Variants in KCTD16 observed in about 807,000 individuals in gnomAD.
The protein encoded by KCTD16 is potassium channel tetramerization domain containing 16.
A neutral mutation model predicts 33.2 loss-of-function variants in KCTD16; 13 were observed. The ratio of observed to expected loss-of-function variants is 0.39; its 90% CI spans 0.25 to 0.62. The LOEUF (loss-of-function observed/expected upper bound fraction) is 0.62, where lower values mean the gene tolerates loss of function less well. KCTD16 is among the 20% of genes least tolerant of loss of function. The pLI is 0.50. For synonymous variants in KCTD16, 197 were observed against 195.3 expected, an observed-to-expected ratio of 1.01 and a Z score of -0.07; for missense variants, 441 against 525.1, an observed-to-expected ratio of 0.84 and a Z score of 1.57.
chr5:144,274,311 G>A (rs1755384840), intron 3 of KCTD16, among the ~76,000 whole-genome samples: 1 of 151,990 alleles, frequency 6.6e-6, no homozygotes, highest in South Asian at 2.1e-4. Context: ...TAAGTGTGTA[G>A]GAATAAAGGT....
chr5:144,202,746 C>T (rs1167043738), intron 2 of KCTD16, among the ~76,000 whole-genome samples: 1 of 152,138 alleles, frequency 6.6e-6, no homozygotes, highest in Non-Finnish European at 1.5e-5. Context: ...TATAATTGTG[C>T]AAAACAGGAT....
intron 2 of KCTD16, among the ~76,000 whole-genome samples, chr5:144,181,791 A>G (rs1024468861): frequency 6.6e-6 from 1 of 152,106 alleles, no homozygotes; most frequent in Non-Finnish European, 1.5e-5. Context: ...TTAAGAGGTG[A>G]GGCCTTTAAG....
chr5:144,444,968 A>G (rs1381785624), intron 3 of KCTD16, among the ~76,000 whole-genome samples: 2 of 149,714 alleles, frequency 1.3e-5, no homozygotes, highest in Non-Finnish European at 3.0e-5. Flanking sequence ...ATAGTGTTAT[A>G]TTACATATAT....
rs138864208 is a variant in KCTD16 at position 144,442,450 on chromosome 5, CTTCT to C, written c.833-31185_833-31182del. On this transcript the variant is annotated intron_variant, in intron 3 of 3. Transcript: ENST00000512467. ...TTTTCTTTTCTTTTCTCTTTTCTTT[CTTCT>C]TTCTTTCTTTCTTTCTTTCTTTCTG... 3.8e-3 allele frequency among the ~76,000 whole-genome samples: 569 copies of C among 147,866 alleles called. 2 individuals carry two copies. The highest frequency in any genetic ancestry group is 5.8e-3 in the East Asian group (29 of 5,026).
At chr5:144,205,190 G>A in intron 2 of KCTD16, 1 of 221,238 alleles carries the variant, frequency 4.5e-6, no homozygotes, top group Non-Finnish European at 8.8e-6. Context: ...GCGCAGCACT[G>A]CGTCCCCGCC....
chr5:144,219,524 T>G (rs935885811), intron 3 of KCTD16, among the ~76,000 whole-genome samples: 1 of 141,276 alleles, frequency 7.1e-6, no homozygotes, highest in Non-Finnish European at 1.5e-5. Context: ...TTTTTTTTTT[T>G]TTTTTTTTTT....
In KCTD16 at chr5:144,484,957, T is replaced by A. The variant is rs1754773992; in HGVS notation, c.*10843T>A. 6.6e-6 allele frequency: 1 copy of A among 151,962 alleles called. No homozygotes were observed. Among genetic ancestry groups the A allele is most frequent in the Non-Finnish European group, 1.5e-5 (1 of 67,926 alleles). The allele number at this position is 151,962 out of a possible 1,614,324, so 9.4% of individuals were successfully genotyped here. A position where few individuals can be genotyped will look rare whatever the true frequency, so the allele number is the denominator to read the frequency against. ...TGACTGGTGTTAAAATGAATGTGCT[T>A]ATTACAGTATAAACATCATTAATTA... is the stretch of plus-strand genomic sequence containing the variant. On this transcript the variant is annotated 3_prime_UTR_variant, in exon 4 of 4. Coordinates refer to ENST00000512467, the MANE Select transcript of KCTD16 (RefSeq NM_020768.4).
chr5:144,366,349 T>C (rs1358584479), intron 3 of KCTD16, among the ~76,000 whole-genome samples: 1 of 152,212 alleles, frequency 6.6e-6, no homozygotes, highest in African/African-American at 2.4e-5. Context: ...GGATATTAAA[T>C]AGCCAACCAC....
chr5:144,219,074 T>A (rs1753652519), intron 3 of KCTD16, among the ~76,000 whole-genome samples: 1 of 152,164 alleles, frequency 6.6e-6, no homozygotes, highest in Non-Finnish European at 1.5e-5. Flanking sequence ...ACACATCAGA[T>A]CACCTCCCTC....
chr5:144,396,083 G>A (rs557572771), intron 3 of KCTD16, among the ~76,000 whole-genome samples: 1 of 152,082 alleles, frequency 6.6e-6, no homozygotes, highest in South Asian at 2.1e-4. Flanking sequence ...GATTTTGGGG[G>A]TGGATGACAT....
At chr5:144,278,949 T>A (rs1755527475) in intron 3 of KCTD16, among the ~76,000 whole-genome samples, 1 of 152,236 alleles carries the variant, frequency 6.6e-6, no homozygotes, top group Non-Finnish European at 1.5e-5. Flanking sequence ...TTCCAATTAA[T>A]GAGATATCCC....
chr5:144,249,903 CTG>C (rs1198407086), intron 3 of KCTD16, among the ~76,000 whole-genome samples: 1 of 152,170 alleles, frequency 6.6e-6, no homozygotes, highest in Non-Finnish European at 1.5e-5. Flanking sequence ...GGCACTGATA[CTG>C]TCAGAAGGAG....
At chr5:144,284,929 A>G (rs750780811) in intron 3 of KCTD16, among the ~76,000 whole-genome samples, 13 of 152,192 alleles carry the variant, frequency 8.5e-5, no homozygotes, top group Non-Finnish European at 1.6e-4. Flanking sequence ...CAGAATCCCT[A>G]AGTGACCACC....
chr5:144,465,075 C>T (rs1225449074), intron 3 of KCTD16, among the ~76,000 whole-genome samples: 1 of 152,038 alleles, frequency 6.6e-6, no homozygotes, highest in African/African-American at 2.4e-5. Context: ...TTTTACCTCC[C>T]TTTGCTGATT....
intron 2 of KCTD16, among the ~76,000 whole-genome samples, chr5:144,197,425 A>G (rs1252762531): frequency 6.6e-6 from 1 of 152,210 alleles, no homozygotes; most frequent in African/African-American, 2.4e-5. Context: ...ACACTCTTAG[A>G]TCACATGCTT....
At chr5:144,299,716 A>G (rs1333865702) in intron 3 of KCTD16, among the ~76,000 whole-genome samples, 1 of 152,080 alleles carries the variant, frequency 6.6e-6, no homozygotes, top group Non-Finnish European at 1.5e-5. Flanking sequence ...AAAGCAACAC[A>G]GTTGGTACTA....
intron 3 of KCTD16, among the ~76,000 whole-genome samples, chr5:144,454,918 T>A (rs1188035657): frequency 6.6e-6 from 1 of 152,188 alleles, no homozygotes; most frequent in Non-Finnish European, 1.5e-5. Context: ...TTGAGGTTGG[T>A]ATCTACATGT....
At chr5:144,466,924 T>G (rs1450106495) in intron 3 of KCTD16, among the ~76,000 whole-genome samples, 1 of 144,782 alleles carries the variant, frequency 6.9e-6, no homozygotes, top group Non-Finnish European at 1.5e-5. Flanking sequence ...TCAGCAAGTT[T>G]CTGGTTTGGA....
rs997570316 is a variant in KCTD16, at chr5:144,283,028, G to T, written c.832+75482G>T. Among the ~76,000 whole-genome samples the T allele has an allele frequency of 2.0e-5, 3 of 152,246 alleles. No homozygotes were observed. In the East Asian group the frequency reaches 5.8e-4, roughly 29 times the overall value. On this transcript the variant is annotated intron_variant, in intron 3 of 3. Coordinates refer to ENST00000512467, the MANE Select transcript of KCTD16 (RefSeq NM_020768.4). ...TCCTGGTACCCTGGCCACTGAAAGAGGGGGAATTGGATTTCTCTTTTTTTC... is the reference window on the plus strand; with the variant it reads ...TCCTGGTACCCTGGCCACTGAAAGATGGGGAATTGGATTTCTCTTTTTTTC...
Sources: gnomAD v4.1 joint callset for allele counts (sites outside exome capture counted in the v4.1 genomes callset) on GRCh38, gnomAD v4.1.1 for gene constraint, MANE v1.5 for transcripts, NCBI Gene and HGNC (gene_info 2026-07-23, HGNC 2026-07-21) for gene names.